The following EFCAB6 variants were observed in gnomAD, a reference collection of about 807,000 sequenced individuals.
EFCAB6 encodes EF-hand calcium binding domain 6.
Under a neutral mutation model 169.8 loss-of-function variants are expected in EFCAB6, and 156 were observed. That is an observed-to-expected ratio of 0.92 (90% CI 0.81 to 1.05). The LOEUF is 1.05. Ranked by LOEUF, EFCAB6 falls within the 50% of genes least tolerant of loss-of-function variation. The pLI is 0.00. For synonymous variants in EFCAB6, 698 were observed against 676.4 expected (o/e 1.03, Z -0.50); for missense variants, 1,800 against 1,829.1 (o/e 0.98, Z 0.29).
At chr22:43,608,703 A>G in intron 21 of EFCAB6, 103 bp from the exon 22 acceptor site, 1 of 1,021,854 alleles carries the variant, frequency 9.8e-7, no homozygotes, top group South Asian at 1.4e-5. Flanking sequence ...AGGCATCTGT[A>G]TCCCCATCCA....
chr22:43,669,773 TA>T (rs577194696), intron 15 of EFCAB6, among the ~76,000 whole-genome samples: 92 of 152,308 alleles, frequency 6.0e-4, no homozygotes, highest in Non-Finnish European at 1.2e-3. Context: ...AAAAGAATTA[TA>T]AAAAATTATA....
At chr22:43,589,047 T>TTTCTTG (rs1411161800) in intron 24 of EFCAB6, among the ~76,000 whole-genome samples, 1 of 151,946 alleles carries the variant, frequency 6.6e-6, no homozygotes, top group East Asian at 1.9e-4. Flanking sequence ...AAACCCACAT[T>TTTCTTG]TTCTTGGTAG....
At chr22:43,738,892 G>T (rs1475831317) in intron 6 of EFCAB6, among the ~76,000 whole-genome samples, 9 of 152,180 alleles carry the variant, frequency 5.9e-5, no homozygotes, top group African/African-American at 2.2e-4. Context: ...CCTGTTGTAA[G>T]GGATCAAGGG....
At chr22:43,682,221 G>A (rs1329835085) in intron 12 of EFCAB6, among the ~76,000 whole-genome samples, 2 of 152,140 alleles carry the variant, frequency 1.3e-5, no homozygotes. Flanking sequence ...GATTGTTAAT[G>A]CCATGATGTG....
intron 6 of EFCAB6, among the ~76,000 whole-genome samples, chr22:43,742,118 T>G (rs2060395868): frequency 1.3e-5 from 2 of 152,288 alleles, no homozygotes; most frequent in East Asian, 1.9e-4. Flanking sequence ...GAGACCTAAC[T>G]CCCTTCATTC....
intron 10 of EFCAB6, among the ~76,000 whole-genome samples, chr22:43,703,055 C>A (rs2058824545): frequency 6.6e-6 from 1 of 152,186 alleles, no homozygotes; most frequent in African/African-American, 2.4e-5. Context: ...CAGCTCCCAT[C>A]CATCCCTACC....
chr22:43,799,329 C>CCA (rs112231545), intron 2 of EFCAB6, among the ~76,000 whole-genome samples: 3,392 of 146,618 alleles, frequency 0.023, 84 homozygotes, highest in African/African-American at 0.059. Flanking sequence ...GAATCTGTCT[C>CCA]CACACACACA....
At chr22:43,763,608 A>AT (rs1196353477) in intron 5 of EFCAB6, among the ~76,000 whole-genome samples, 9 of 152,046 alleles carry the variant, frequency 5.9e-5, no homozygotes, top group South Asian at 2.1e-4. Flanking sequence ...ATCAAATTTA[A>AT]TTTTTTTAAT....
intron 26 of EFCAB6, 39 bp from the exon 27 acceptor site, chr22:43,555,135 TA>T: frequency 1.2e-6 from 2 of 1,606,340 alleles, no homozygotes; most frequent in Non-Finnish European, 1.7e-6. Flanking sequence ...ATGTGAGAAA[TA>T]ATCGACCACC....
chr22:43,540,435 G>A (rs904123305), intron 27 of EFCAB6, 78 bp from the exon 28 acceptor site: 3 of 1,599,412 alleles, frequency 1.9e-6, no homozygotes, highest in Non-Finnish European at 1.7e-6. Flanking sequence ...GCGAGAAGTG[G>A]GACAGGCCGG....
chr22:43,724,367 CTTTTTTT>C (rs58226287), intron 8 of EFCAB6, among the ~76,000 whole-genome samples: 20 of 107,882 alleles, frequency 1.9e-4, no homozygotes, highest in Middle Eastern at 4.5e-3. Flanking sequence ...TTTCTTTTTT[CTTTTTTT>C]TTTTTTTTTT....
chr22:43,590,981 GT>G (rs1197381948), intron 23 of EFCAB6, among the ~76,000 whole-genome samples: 2 of 150,838 alleles, frequency 1.3e-5, no homozygotes, highest in South Asian at 2.1e-4. Context: ...TGTTTTGTTT[GT>G]TTTTTTTTAA....
intron 2 of EFCAB6, among the ~76,000 whole-genome samples, chr22:43,793,431 A>G (rs1197078529): frequency 6.6e-6 from 1 of 152,224 alleles, no homozygotes; most frequent in East Asian, 1.9e-4. Context: ...TCTTGGTATA[A>G]GCATTTTCTA....
At chr22:43,709,007 C>T (rs1321097236) in intron 10 of EFCAB6, among the ~76,000 whole-genome samples, 1 of 152,180 alleles carries the variant, frequency 6.6e-6, no homozygotes, top group Non-Finnish European at 1.5e-5. Context: ...CCAAAACACG[C>T]ATTCTATGCA....
chr22:43,549,777 T>G (rs2048281057), intron 27 of EFCAB6, among the ~76,000 whole-genome samples: 1 of 152,246 alleles, frequency 6.6e-6, no homozygotes, highest in South Asian at 2.1e-4. Context: ...ACTTGCTAAC[T>G]GAATCCTGTA....
At chr22:43,696,026 G>A (rs2058564376) in intron 10 of EFCAB6, among the ~76,000 whole-genome samples, 1 of 151,986 alleles carries the variant, frequency 6.6e-6, no homozygotes, top group African/African-American at 2.4e-5. Flanking sequence ...GAAAGAGCAA[G>A]CCACACTGAG....
chr22:43,737,968 T>A (rs1274282936), intron 6 of EFCAB6, among the ~76,000 whole-genome samples: 4 of 141,132 alleles, frequency 2.8e-5, no homozygotes, highest in African/African-American at 1.1e-4. Flanking sequence ...ACACCATCAC[T>A]CACACACATA....
At chr22:43,780,199 G>C (rs992169102) in intron 3 of EFCAB6, among the ~76,000 whole-genome samples, 14 of 152,014 alleles carry the variant, frequency 9.2e-5, no homozygotes, top group African/African-American at 3.4e-4. Flanking sequence ...CTTAAGAGCA[G>C]GAACAGGCTG....
intron 6 of EFCAB6, among the ~76,000 whole-genome samples, chr22:43,754,003 T>A (rs967950762): frequency 6.6e-6 from 1 of 152,176 alleles, no homozygotes; most frequent in African/African-American, 2.4e-5. Flanking sequence ...CCAACATTAG[T>A]GTGTGACCGT....
Sources: gnomAD v4.1 joint callset for allele counts (sites outside exome capture counted in the v4.1 genomes callset) on GRCh38, gnomAD v4.1.1 for gene constraint, MANE v1.5 for transcripts, NCBI Gene and HGNC (gene_info 2026-07-23, HGNC 2026-07-21) for gene names.